The following OR51B5 variants were observed in gnomAD, a reference collection of about 807,000 sequenced individuals.
OR51B5 encodes olfactory receptor 51B5.
For synonymous variants in OR51B5, 186 were observed against 144.8 expected (o/e 1.28, Z -2.04); for missense variants, 456 against 374.6 (o/e 1.22, Z -1.79).
chr11:5,345,493 T>C (rs1212639445), upstream of OR51B5, among the ~76,000 whole-genome samples: 1 of 152,156 alleles, frequency 6.6e-6, no homozygotes, highest in Non-Finnish European at 1.5e-5. Context: ...AGATTTCTGT[T>C]TGAACAAATG....
intron 1 of OR51B5, among the ~76,000 whole-genome samples, chr11:5,449,621 C>G (rs7948239): frequency 0.041 from 6,210 of 152,268 alleles, 350 homozygotes; most frequent in African/African-American, 0.13. Context: ...TAATCAATTT[C>G]TCTGTGACTC....
upstream of OR51B5, among the ~76,000 whole-genome samples, chr11:5,345,494 T>G (rs1350300846): frequency 6.6e-6 from 1 of 152,144 alleles, no homozygotes; most frequent in African/African-American, 2.4e-5. Flanking sequence ...GATTTCTGTT[T>G]GAACAAATGA....
At chr11:5,349,418 T>G (rs534776525) in intron 1 of OR51B5, among the ~76,000 whole-genome samples, 2 of 152,132 alleles carry the variant, frequency 1.3e-5, no homozygotes, top group Non-Finnish European at 2.9e-5. Flanking sequence ...TTTTTTAATT[T>G]ATCAATTATA....
intron 1 of OR51B5, among the ~76,000 whole-genome samples, chr11:5,398,935 A>G (rs998318047): frequency 6.6e-6 from 1 of 152,124 alleles, no homozygotes; most frequent in Non-Finnish European, 1.5e-5. Flanking sequence ...GTGAGAATGA[A>G]CTAATACAAT....
At position 5,486,011 on chromosome 11, in the gene OR51B5, G is replaced by C. The variant is rs115434545; in HGVS notation, n.84+19558C>G. ...GGGGAGATGAGGGCACAGGCAGAGA[G>C]GGAAGACCAACTGAAGACACAAAGG... is the stretch of plus-strand genomic sequence containing the variant. On this transcript the variant is annotated intron_variant and non_coding_transcript_variant, in intron 1 of 4. Transcript: ENST00000415970. Among the ~76,000 whole-genome samples, 1,092 of 152,196 alleles carry C rather than the reference G, an allele frequency of 7.2e-3. 12 individuals are homozygous for C. The highest frequency in any genetic ancestry group is 0.025 in the African/African-American group (1,040 of 41,514).
rs377445715 is a variant in OR51B5 at position 5,377,812 on chromosome 11, A to G, written n.85-30902T>C. 1.4e-4 allele frequency among the ~76,000 whole-genome samples: 21 copies of G among 152,050 alleles called. No homozygotes were observed. In the East Asian group the frequency reaches 1.5e-3, roughly 11 times the overall value. Reference sequence around the variant, plus strand: ...AACCACTGCTCAATGAAATAAAAGAAGATACAAACAAATGGAAGAACATTC... The same window carrying G: ...AACCACTGCTCAATGAAATAAAAGAGGATACAAACAAATGGAAGAACATTC... On this transcript the variant is annotated intron_variant and non_coding_transcript_variant, in intron 1 of 4. Transcript: ENST00000415970.
At chr11:5,452,436 G>A (rs1235850022) in intron 1 of OR51B5, among the ~76,000 whole-genome samples, 1 of 147,564 alleles carries the variant, frequency 6.8e-6, no homozygotes, top group South Asian at 2.2e-4. Context: ...AACCCGGGAG[G>A]TGGAGTTGCA....
At chr11:5,367,764 G>C (rs1315664728) in intron 1 of OR51B5, among the ~76,000 whole-genome samples, 1 of 152,168 alleles carries the variant, frequency 6.6e-6, no homozygotes, top group Admixed American at 6.5e-5. Flanking sequence ...TGGTTCAAAT[G>C]CCTCTGACAA....
intron 1 of OR51B5, chr11:5,456,324 T>C (rs1850958214): frequency 6.6e-6 from 1 of 152,192 alleles, no homozygotes; most frequent in Admixed American, 6.5e-5. Flanking sequence ...CTACTGATTT[T>C]CAGGTTCTAA....
intron 1 of OR51B5, among the ~76,000 whole-genome samples, chr11:5,406,032 C>T (rs901138925): frequency 1.3e-5 from 2 of 152,158 alleles, no homozygotes; most frequent in Non-Finnish European, 2.9e-5. Flanking sequence ...ATTAGAGTAT[C>T]TGTAAAAAGA....
chr11:5,380,187 G>A lies in OR51B5; in HGVS notation n.85-33277C>T, dbSNP rs117950350. On this transcript the variant is annotated intron_variant and non_coding_transcript_variant, in intron 1 of 4. Coordinates refer to the OR51B5 transcript ENST00000415970. ...TGACTGAAGAGAGGTAGGATGTTAC[G>A]AAAGAAGGCGTTTCTGAAAGAGTTG... 2.7e-3 allele frequency among the ~76,000 whole-genome samples: 416 copies of A among 152,252 alleles called. 2 individuals carry two copies. Among genetic ancestry groups the A allele is most frequent in the Non-Finnish European group, 4.4e-3 (302 of 68,016 alleles).
At chr11:5,496,632 C>T (rs1313228240) in intron 1 of OR51B5, among the ~76,000 whole-genome samples, 1 of 152,156 alleles carries the variant, frequency 6.6e-6, no homozygotes, top group East Asian at 1.9e-4. Context: ...GAGGGGGAGC[C>T]TCTTTTGAAT....
Position 5,343,466 on chromosome 11 carries a change from TCC to T in OR51B5, c.57_58del (p.Glu20SerfsTer28), listed in dbSNP as rs765130324. ...AAATACGGAAATCCAGTGATGAGCTTCCTCCAAGCCTGGAAAACCAGTCAATA... is the reference window on the plus strand; with the variant it reads ...AAATACGGAAATCCAGTGATGAGCTTTCCAAGCCTGGAAAACCAGTCAATA... On this transcript the variant is annotated frameshift_variant, in exon 1 of 1. Transcript: ENST00000300773. LOFTEE classifies it low-confidence loss of function (END_TRUNC). The T allele has an allele frequency of 6.4e-7, 1 of 1,555,128 alleles. No individual in the cohort carries two copies. The highest frequency in any genetic ancestry group is 1.1e-5 in the South Asian group (1 of 88,262).
At chr11:5,487,964 A>T (rs576660890) in intron 1 of OR51B5, among the ~76,000 whole-genome samples, 5 of 152,094 alleles carry the variant, frequency 3.3e-5, no homozygotes, top group Non-Finnish European at 7.3e-5. Flanking sequence ...TTCAGATGAT[A>T]TATATATACA....
chr11:5,446,404 T>G (rs1850764680), intron 1 of OR51B5, among the ~76,000 whole-genome samples: 1 of 152,162 alleles, frequency 6.6e-6, no homozygotes, highest in African/African-American at 2.4e-5. Context: ...TTTCTGTGTT[T>G]GAAATTTTTC....
At chr11:5,377,001 C>A (rs1226276155) in intron 1 of OR51B5, among the ~76,000 whole-genome samples, 1 of 152,018 alleles carries the variant, frequency 6.6e-6, no homozygotes, top group Admixed American at 6.6e-5. Flanking sequence ...GAAAGAGACA[C>A]AACCAAAAAA....
rs1282942936 is a variant in OR51B5, at chr11:5,483,109, A to C, written n.84+22460T>G. ...ATAGCAAAGACTTGGAACCAACCCA[A>C]ATGTCCATCAATGATAGACTGGATT... On this transcript the variant is annotated intron_variant and non_coding_transcript_variant, in intron 1 of 4. Coordinates refer to the OR51B5 transcript ENST00000415970. Among the ~76,000 whole-genome samples the C allele has an allele frequency of 1.5e-4, 22 of 151,170 alleles. No individual in the cohort carries two copies. In the East Asian group the frequency reaches 4.3e-3, roughly 30 times the overall value.
chr11:5,408,645 A>T (rs188741446), intron 1 of OR51B5, among the ~76,000 whole-genome samples: 2,145 of 152,212 alleles, frequency 0.014, 45 homozygotes, highest in African/African-American at 0.046. Context: ...AACATACAAG[A>T]CCAGCCTGTG....
At chr11:5,453,845 T>A (rs1185663766) in intron 1 of OR51B5, 1 of 1,614,176 alleles carries the variant, frequency 6.2e-7, no homozygotes, top group South Asian at 1.1e-5. Flanking sequence ...TGGCCATGAG[T>A]TTTGACCGCT....
Sources: allele counts gnomAD v4.1 joint callset (sites outside exome capture counted in the v4.1 genomes callset), GRCh38; gene constraint gnomAD v4.1.1; transcripts MANE v1.5; gene names NCBI Gene and HGNC (gene_info 2026-07-23, HGNC 2026-07-21).